Variants in SLIT3 observed in about 807,000 individuals in gnomAD.
SLIT3 encodes slit homolog 3 protein.
Under a neutral mutation model 184.0 loss-of-function variants are expected in SLIT3, and 68 were observed. That is an observed-to-expected ratio of 0.37 (90% CI 0.30 to 0.45). The LOEUF (loss-of-function observed/expected upper bound fraction) is 0.45, where lower values mean the gene tolerates loss of function less well. Among genes scored for constraint, SLIT3 ranks in the 20% least tolerant of loss-of-function variants. The probability of loss-of-function intolerance (pLI) is 1.00; values close to 1 mark genes in which losing one functional copy is unlikely to be tolerated. For missense variants in SLIT3, 1,707 were observed against 2,026.0 expected (o/e 0.84, Z 3.02); for synonymous variants, 831 against 828.6 (o/e 1.00, Z -0.05).
chr5:169,276,157 AAG>A (rs1261549245), intron 1 of SLIT3, among the ~76,000 whole-genome samples: 1 of 152,156 alleles, frequency 6.6e-6, no homozygotes, highest in African/African-American at 2.4e-5. Context: ...TTTCTTCTGA[AAG>A]AGGGTTTCTG....
intron 4 of SLIT3, among the ~76,000 whole-genome samples, chr5:168,958,159 C>T (rs1047800807): frequency 1.3e-5 from 2 of 152,144 alleles, no homozygotes; most frequent in African/African-American, 4.8e-5. Flanking sequence ...ATTTACTCAT[C>T]ATATATTTCA....
intron 4 of SLIT3, among the ~76,000 whole-genome samples, chr5:168,954,640 G>A (rs1477853685): frequency 6.6e-6 from 1 of 152,178 alleles, no homozygotes; most frequent in African/African-American, 2.4e-5. Context: ...CCTTTCCAAC[G>A]TCATTTGAAG....
Position 168,669,255 on chromosome 5 carries a change from G to A in SLIT3, c.4336+528C>T, listed in dbSNP as rs184641980. ...TGACTTCCAATTGTAGGTCATACAAGACAAGTGGCTTACTCTCTTCTGGAC... is the reference window on the plus strand; with the variant it reads ...TGACTTCCAATTGTAGGTCATACAAAACAAGTGGCTTACTCTCTTCTGGAC... On this transcript the variant is annotated intron_variant, in intron 35 of 35. Coordinates refer to ENST00000519560, the MANE Select transcript of SLIT3 (RefSeq NM_003062.4). Among the ~76,000 whole-genome samples, 402 of 152,334 alleles carry A rather than the reference G, an allele frequency of 2.6e-3. 2 individuals are homozygous for A. Among genetic ancestry groups the A allele is most frequent in the African/African-American group, 8.8e-3 (364 of 41,582 alleles).
chr5:169,002,338 AAAAAAAAAAAAAAAAAAG>A (rs1755737751), intron 4 of SLIT3, among the ~76,000 whole-genome samples: 11 of 147,460 alleles, frequency 7.5e-5, no homozygotes, highest in South Asian at 2.1e-4. Context: ...AAAAAAAAAA[AAAAAAAAAAAAAAAAAAG>A]AAAAAAAGAA....
intron 4 of SLIT3, chr5:169,022,886 C>G (rs911637631): frequency 1.3e-5 from 2 of 152,072 alleles, no homozygotes; most frequent in Non-Finnish European, 2.9e-5. Flanking sequence ...AAAGGACACA[C>G]CCACCCCAGC....
chr5:169,170,220 GACC>G (rs1561712409), intron 4 of SLIT3, among the ~76,000 whole-genome samples: 1 of 152,160 alleles, frequency 6.6e-6, no homozygotes, highest in Non-Finnish European at 1.5e-5. Flanking sequence ...AGCATCTGAG[GACC>G]ACAATGTTGC....
Position 169,232,521 on chromosome 5 carries a change from G to A in SLIT3, c.341+12184C>T, listed in dbSNP as rs547326593. On this transcript the variant is annotated intron_variant, in intron 3 of 35. Coordinates refer to ENST00000519560, the MANE Select transcript of SLIT3 (RefSeq NM_003062.4). ...ATTACAGGCACAAACCAGCACTCCC[G>A]GCCAAAAAATATTGTTATTTTCTAG... 7.9e-5 allele frequency among the ~76,000 whole-genome samples: 12 copies of A among 152,058 alleles called. No homozygotes were observed. The South Asian group carries it at 1.0e-3, about 13-fold the overall frequency.
intron 12 of SLIT3, 56 bp downstream of exon 12, chr5:168,785,851 G>T: frequency 7.8e-7 from 1 of 1,289,390 alleles, no homozygotes; most frequent in Non-Finnish European, 1.1e-6. Context: ...AACGTTTTCA[G>T]GTGGGAGCCT....
At chr5:168,715,992 A>G (rs1422474079) in intron 23 of SLIT3, among the ~76,000 whole-genome samples, 2 of 148,744 alleles carry the variant, frequency 1.3e-5, no homozygotes, top group African/African-American at 2.5e-5. Context: ...TTTTTCAGAC[A>G]GAGTCTCACT....
intron 30 of SLIT3, 62 bp downstream of exon 30, chr5:168,686,917 C>T: frequency 6.3e-7 from 1 of 1,586,674 alleles, no homozygotes; most frequent in Non-Finnish European, 8.6e-7. Flanking sequence ...CTTAGCCAGT[C>T]AGCCCCAGCC....
intron 16 of SLIT3, among the ~76,000 whole-genome samples, chr5:168,760,632 G>A (rs1007953692): frequency 1.6e-4 from 24 of 152,112 alleles, no homozygotes; most frequent in Non-Finnish European, 3.5e-4. Flanking sequence ...GGTCAGGGAT[G>A]GTGTGGAATG....
chr5:168,723,857 G>GA (rs35140073), intron 21 of SLIT3, among the ~76,000 whole-genome samples: 6,731 of 152,218 alleles, frequency 0.044, 478 homozygotes, highest in Admixed American at 0.19. Context: ...TCAGTAGCTT[G>GA]AAAAAAATCT....
intron 4 of SLIT3, among the ~76,000 whole-genome samples, chr5:168,994,702 A>G (rs1755452568): frequency 8.3e-6 from 1 of 119,884 alleles, no homozygotes; most frequent in South Asian, 2.9e-4. Context: ...CTGGAGTGCA[A>G]TGATGTGATC....
intron 34 of SLIT3, among the ~76,000 whole-genome samples, chr5:168,670,653 C>G (rs1561865882): frequency 6.6e-6 from 1 of 152,296 alleles, no homozygotes; most frequent in South Asian, 2.1e-4. Flanking sequence ...TCCAAAAAAT[C>G]ATTTCCTGAC....
chr5:168,748,429 C>G lies in SLIT3; in HGVS notation c.2143G>C (p.Glu715Gln). Residue 715 changes from glutamate (E) to glutamine (Q), a missense_variant, in exon 20 of 36, where the codon GAG becomes CAG. By Grantham distance (29) the Glu-to-Gln change is conservative (BLOSUM62 2). Coordinates refer to ENST00000519560, the MANE Select transcript of SLIT3 (RefSeq NM_003062.4). ...AIQDFTCDGN[E>Q]ESSCQLSPRC... Reference sequence around the variant, plus strand: ...GGGCTCAGCTGGCAGCTACTCTCCTCGTTGCCTGTGGAGAGCCCCAGAGAG... The same window carrying G: ...GGGCTCAGCTGGCAGCTACTCTCCTGGTTGCCTGTGGAGAGCCCCAGAGAG... 6.6e-7 allele frequency: 1 copy of G among 1,523,530 alleles called. No individual in the cohort carries two copies. The highest frequency in any genetic ancestry group is 8.7e-7 in the Non-Finnish European group (1 of 1,148,006). 94.4% of individuals were successfully genotyped at this position (1,523,530 alleles called of 1,614,324 possible). A position where few individuals can be genotyped will look rare whatever the true frequency, so the allele number is the denominator to read the frequency against.
intron 3 of SLIT3, among the ~76,000 whole-genome samples, chr5:169,238,067 G>A (rs1206894757): frequency 6.6e-6 from 1 of 152,092 alleles, no homozygotes; most frequent in East Asian, 1.9e-4. Flanking sequence ...TCCCGTTGAT[G>A]TGTGTGTCTA....
At chr5:168,941,421 G>A (rs1195754509) in intron 4 of SLIT3, among the ~76,000 whole-genome samples, 1 of 152,120 alleles carries the variant, frequency 6.6e-6, no homozygotes, top group East Asian at 1.9e-4. Context: ...CTATTTCATA[G>A]GGTTGTTTTT....
At chr5:169,025,786 A>G (rs568044703) in intron 4 of SLIT3, among the ~76,000 whole-genome samples, 40 of 152,332 alleles carry the variant, frequency 2.6e-4, no homozygotes, top group African/African-American at 8.9e-4. Flanking sequence ...ATCAAAAAAA[A>G]GTCTAAATCT....
intron 4 of SLIT3, among the ~76,000 whole-genome samples, chr5:168,992,008 A>G (rs924994183): frequency 6.6e-6 from 1 of 152,240 alleles, no homozygotes; most frequent in Non-Finnish European, 1.5e-5. Flanking sequence ...AAGGGCCCAT[A>G]TAAGAACTCA....
Sources: gnomAD v4.1 joint callset for allele counts (sites outside exome capture counted in the v4.1 genomes callset) on GRCh38, gnomAD v4.1.1 for gene constraint, MANE v1.5 for transcripts, NCBI Gene and HGNC (gene_info 2026-07-23, HGNC 2026-07-21) for gene names.